Variants in IRAG2 observed in about 807,000 individuals in gnomAD.
The protein encoded by IRAG2 is inositol 1,4,5-triphosphate receptor associated 2, also known as lymphoid restricted membrane protein.
Under a neutral mutation model 69.9 loss-of-function variants are expected in IRAG2, and 45 were observed. The observed-to-expected ratio is 0.64, with a 90% CI of 0.51 to 0.83. The LOEUF (loss-of-function observed/expected upper bound fraction) is 0.83, where lower values mean the gene tolerates loss of function less well. IRAG2 is among the 40% of genes least tolerant of loss of function. IRAG2 has a pLI of 0.00. For synonymous variants in IRAG2, 193 were observed against 202.4 expected (o/e 0.95, Z 0.40); for missense variants, 520 against 587.0 (o/e 0.89, Z 1.18).
chr12:25,067,033 C>T (rs112251277), intron 5 of IRAG2, among the ~76,000 whole-genome samples: 57 of 152,208 alleles, frequency 3.7e-4, no homozygotes, highest in African/African-American at 1.3e-3. Flanking sequence ...TTCATAATAC[C>T]ACTCTAAAGC....
At chr12:25,065,283 T>C (rs532665008) in intron 4 of IRAG2, among the ~76,000 whole-genome samples, 1 of 152,366 alleles carries the variant, frequency 6.6e-6, no homozygotes, top group South Asian at 2.1e-4. Context: ...TGTCACTTTA[T>C]ACATAAGCAA....
intron 6 of IRAG2, among the ~76,000 whole-genome samples, chr12:25,074,573 C>T (rs998606416): frequency 5.9e-5 from 9 of 152,152 alleles, no homozygotes; most frequent in African/African-American, 2.2e-4. Flanking sequence ...TCAGTCTCAA[C>T]TCTGACCCCA....
rs533304735 is a variant in IRAG2 at position 25,089,972 on chromosome 12, C to T, written c.466-85C>T. 1.3e-4 allele frequency: 188 copies of T among 1,400,442 alleles called. 3 individuals carry two copies. The Middle Eastern group carries it at 2.7e-3, about 20-fold the overall frequency. The allele number at this position is 1,400,442 out of a possible 1,614,324, so 86.8% of individuals were successfully genotyped here. On this transcript the variant is annotated intron_variant, in intron 13 of 21. Transcript: ENST00000556887. ...TTGCTGGGGGGAGAAAGAAATGCCTCAGTATAAAACAGTATTAAACTGAAA... is the reference window on the plus strand; with the variant it reads ...TTGCTGGGGGGAGAAAGAAATGCCTTAGTATAAAACAGTATTAAACTGAAA...
chr12:25,077,266 A>AT (rs1946794073), intron 6 of IRAG2, among the ~76,000 whole-genome samples: 7 of 32,866 alleles, frequency 2.1e-4, no homozygotes, highest in Non-Finnish European at 1.2e-4. Flanking sequence ...ATATATATGA[A>AT]ATATATATGA....
intron 14 of IRAG2, chr12:25,035,924 G>A (rs922877419): frequency 1.2e-4 from 49 of 396,506 alleles, no homozygotes; most frequent in Non-Finnish European, 1.7e-4. Flanking sequence ...TCTGAAAAGC[G>A]AAGGTTTTTC....
intron 9 of IRAG2, among the ~76,000 whole-genome samples, chr12:25,027,386 CTCTTTTTTTT>C (rs1366727796): frequency 1.5e-5 from 2 of 132,242 alleles, no homozygotes; most frequent in East Asian, 2.2e-4. Flanking sequence ...GTATTACTAC[CTCTTTTTTTT>C]TCTTTTTTTT....
chr12:25,049,169 G>A (rs141791265), upstream of IRAG2, among the ~76,000 whole-genome samples: 397 of 152,178 alleles, frequency 2.6e-3, 4 homozygotes, highest in East Asian at 0.045. Flanking sequence ...GTTTAAAGTC[G>A]GGTAGCGTGA....
chr12:25,039,325 T>C (rs1239354117), intron 16 of IRAG2, among the ~76,000 whole-genome samples: 1 of 152,182 alleles, frequency 6.6e-6, no homozygotes, highest in East Asian at 1.9e-4. Context: ...TCTTCTGCTT[T>C]CCCTAAGAAG....
In IRAG2 at chr12:25,004,989, A is replaced by G. The variant is rs908072086; in HGVS notation, c.574+74A>G. ...TATCTACTTTTAGAATACCTGAACT[A>G]AAAAAAAATCTACATTATTAAAGTT... On this transcript the variant is annotated intron_variant, in intron 1 of 38. Transcript: ENST00000636465. 1.9e-5 allele frequency: 17 copies of G among 873,702 alleles called. No individual in the cohort carries two copies. In the Admixed American group the frequency reaches 6.6e-4, roughly 34 times the overall value. 54.1% of individuals were successfully genotyped at this position (873,702 alleles called of 1,614,324 possible).
chr12:25,077,220 A>AATATATATGATATATATATGAAAT (rs1946769634), intron 6 of IRAG2, among the ~76,000 whole-genome samples: 6 of 36,712 alleles, frequency 1.6e-4, no homozygotes, highest in Non-Finnish European at 3.1e-4. Context: ...ATATATATGA[A>AATATATATGATATATATATGAAAT]ATATATATGA....
At chr12:25,004,031 C>T (rs563150902), upstream of IRAG2, among the ~76,000 whole-genome samples, 4 of 152,178 alleles carry the variant, frequency 2.6e-5, no homozygotes, top group South Asian at 8.3e-4. Context: ...AAAGCAGTAA[C>T]GTTTATCTCA....
At position 25,107,923 on chromosome 12, in the gene IRAG2, A is replaced by T; in HGVS notation, c.1363A>T (p.Met455Leu). 2 of 1,614,174 alleles carry T rather than the reference A, an allele frequency of 1.2e-6. No homozygotes were observed. Among genetic ancestry groups the T allele is most frequent in the Non-Finnish European group, 1.7e-6 (2 of 1,180,038 alleles). ...IAFIVLFAAL[M>L]SFLTGQLFQK... ...ATTCATTGTACTGTTTGCAGCTTTG[A>T]TGAGCTTCCTCACAGGCCAATTATT... is the stretch of plus-strand genomic sequence containing the variant. The change falls in exon 22 of 22, where the codon ATG becomes TTG. Residue 455 changes from methionine (M) to leucine (L), a missense_variant. Coordinates refer to ENST00000556887, the MANE Select transcript of IRAG2 (RefSeq NM_001366544.2).
Position 25,030,549 on chromosome 12 carries a change from G to A in IRAG2, c.1518+215G>A, listed in dbSNP as rs142053520. Among the ~76,000 whole-genome samples the A allele has an allele frequency of 2.2e-4, 34 of 152,206 alleles. 1 individual carries two copies. Among genetic ancestry groups the A allele is most frequent in the African/African-American group, 7.7e-4 (32 of 41,536 alleles). ...TTACAGGTGTTTTGCCACCAAGCCA[G>A]CTAATTTTTGTATTTTTAGTAGAGA... On this transcript the variant is annotated intron_variant, in intron 10 of 38. Transcript: ENST00000636465.
At chr12:25,032,491 C>G (rs749139379) in intron 12 of IRAG2, 2 of 397,380 alleles carry the variant, frequency 5.0e-6, no homozygotes, top group African/African-American at 2.1e-5. Flanking sequence ...GATATTTTCT[C>G]TATTTTTCTC....
intron 15 of IRAG2, 166 bp from the exon 16 acceptor site, chr12:25,101,012 A>T (rs532655483): frequency 1.1e-4 from 56 of 502,576 alleles, no homozygotes; most frequent in African/African-American, 9.7e-4. Context: ...TTGTTGTCAT[A>T]TTCTCTTCTG....
intron 13 of IRAG2, chr12:25,033,966 AT>A (rs1436666714): frequency 2.5e-6 from 1 of 398,892 alleles, no homozygotes; most frequent in African/African-American, 2.1e-5. Flanking sequence ...TTATAAGAAG[AT>A]GGAAAGCTTT....
chr12:25,011,286 G>A, intron 2 of IRAG2: 1 of 1,132,584 alleles, frequency 8.8e-7, no homozygotes. Context: ...CTAGGATCAG[G>A]AAACATTAAA....
chr12:25,066,449 T>C lies in IRAG2; in HGVS notation c.-122T>C. 2.5e-6 allele frequency: 1 copy of C among 401,252 alleles called. No homozygotes were observed. Among genetic ancestry groups the C allele is most frequent in the Non-Finnish European group, 4.4e-6 (1 of 226,226 alleles). The allele number at this position is 401,252 out of a possible 1,614,324, so 24.9% of individuals were successfully genotyped here. A position where few individuals can be genotyped will look rare whatever the true frequency, so the allele number is the denominator to read the frequency against. On this transcript the variant is annotated 5_prime_UTR_variant, in exon 5 of 22. Transcript: ENST00000556887. ...GGTGTAGCCAACCAAATCCACACTCTGTGTGAAAGGCCCACATATGGAGAA... is the reference window on the plus strand; with the variant it reads ...GGTGTAGCCAACCAAATCCACACTCCGTGTGAAAGGCCCACATATGGAGAA...
At chr12:25,039,693 G>A (rs1944731959) in intron 16 of IRAG2, among the ~76,000 whole-genome samples, 1 of 152,186 alleles carries the variant, frequency 6.6e-6, no homozygotes, top group African/African-American at 2.4e-5. Flanking sequence ...GCCTCCCAAA[G>A]TGCTGGGATT....
Sources: gnomAD v4.1 joint callset for allele counts (sites outside exome capture counted in the v4.1 genomes callset) on GRCh38, gnomAD v4.1.1 for gene constraint, MANE v1.5 for transcripts, NCBI Gene and HGNC (gene_info 2026-07-23, HGNC 2026-07-21) for gene names.